Variants in SH3D19 observed in about 807,000 individuals in gnomAD.
SH3D19 encodes SH3 domain containing 19.
A neutral mutation model predicts 112.1 loss-of-function variants in SH3D19; 58 were observed. The observed-to-expected ratio is 0.52, with a 90% CI of 0.42 to 0.64. The LOEUF (loss-of-function observed/expected upper bound fraction) is 0.64. SH3D19 is among the 30% of genes least tolerant of loss of function. The probability of loss-of-function intolerance (pLI) is 0.00; values close to 1 mark genes in which losing one functional copy is unlikely to be tolerated. For missense variants in SH3D19, 1,090 were observed against 1,263.4 expected, an observed-to-expected ratio of 0.86 and a Z score of 2.08; for synonymous variants, 391 against 448.5, an observed-to-expected ratio of 0.87 and a Z score of 1.62.
At position 151,217,908 on chromosome 4, in the gene SH3D19, C is replaced by T. The variant is rs190937375; in HGVS notation, c.152+8139G>A. Among the ~76,000 whole-genome samples the T allele has an allele frequency of 1.9e-4, 29 of 152,232 alleles. No homozygotes were observed. The East Asian group carries it at 5.2e-3, about 27-fold the overall frequency. ...TAAAAAAGTCAAATTGACAGAAACA[C>T]ATATATATGTATACAGATATACAAA... On this transcript the variant is annotated intron_variant, in intron 2 of 19. Coordinates refer to ENST00000604030, the MANE Select transcript of SH3D19 (RefSeq NM_001378122.1).
chr4:151,263,587 A>G (rs1772542379), intron 1 of SH3D19, among the ~76,000 whole-genome samples: 1 of 152,156 alleles, frequency 6.6e-6, no homozygotes, highest in South Asian at 2.1e-4. Context: ...ATGGTTTAGG[A>G]TCTTTCAAAA....
intron 2 of SH3D19, among the ~76,000 whole-genome samples, chr4:151,190,916 C>T (rs1210142198): frequency 5.3e-5 from 8 of 152,218 alleles, no homozygotes; most frequent in African/African-American, 1.9e-4. Flanking sequence ...GGAAAAGCCG[C>T]AGACACTCAA....
chr4:151,126,556 G>A (rs993378379), intron 19 of SH3D19, among the ~76,000 whole-genome samples: 1 of 151,998 alleles, frequency 6.6e-6, no homozygotes, highest in African/African-American at 2.4e-5. Flanking sequence ...AGCACTTTTG[G>A]AGGCTGAGGT....
intron 1 of SH3D19, chr4:151,279,013 T>A (rs572240098): frequency 7.4e-6 from 2 of 271,390 alleles, no homozygotes; most frequent in South Asian, 9.4e-5. Context: ...GTGTGCTAGC[T>A]ACCAGCTAGA....
Position 151,159,338 on chromosome 4 carries a change from G to T in SH3D19, c.1657C>A (p.Pro553Thr). 1 of 1,576,726 alleles carries T rather than the reference G, an allele frequency of 6.3e-7. No individual in the cohort carries two copies. Among genetic ancestry groups the T allele is most frequent in the Non-Finnish European group, 8.6e-7 (1 of 1,164,484 alleles). The change falls in exon 9 of 20, where the codon CCA becomes ACA. Residue 553 changes from proline to threonine, a missense_variant. Coordinates refer to ENST00000604030, the MANE Select transcript of SH3D19 (RefSeq NM_001378122.1). ...AKPGKCLHED[P>T]QSPPPLPAEK... ...GCAGGGAGAGGAGGTGGACTTTGTG[G>T]ATCCTCATGTAAACCTGGAAAAAGT... is the stretch of plus-strand genomic sequence containing the variant.
chr4:151,250,951 G>A (rs868173575), intron 1 of SH3D19, among the ~76,000 whole-genome samples: 26 of 152,122 alleles, frequency 1.7e-4, no homozygotes, highest in Admixed American at 2.6e-4. Flanking sequence ...CAAGTTTCAC[G>A]GGCTCTGGCA....
intron 2 of SH3D19, among the ~76,000 whole-genome samples, chr4:151,222,593 T>G (rs1768243336): frequency 6.6e-6 from 1 of 152,008 alleles, no homozygotes; most frequent in Non-Finnish European, 1.5e-5. Flanking sequence ...AAGTTGGGAT[T>G]TTTTAGTCCT....
intron 9 of SH3D19, among the ~76,000 whole-genome samples, chr4:151,157,777 T>C (rs1756400006): frequency 6.6e-6 from 1 of 152,226 alleles, no homozygotes; most frequent in African/African-American, 2.4e-5. Context: ...TGGAATCCTG[T>C]CATTTGTGGC....
intron 1 of SH3D19, among the ~76,000 whole-genome samples, chr4:151,245,068 C>T (rs749406538): frequency 3.3e-5 from 5 of 151,860 alleles, no homozygotes; most frequent in Non-Finnish European, 5.9e-5. Flanking sequence ...CATTTGAACC[C>T]AGGAAGCGAA....
intron 2 of SH3D19, among the ~76,000 whole-genome samples, chr4:151,216,150 A>G (rs1767065888): frequency 6.6e-6 from 1 of 152,176 alleles, no homozygotes; most frequent in South Asian, 2.1e-4. Context: ...TTTAAGGACA[A>G]GACTGAATTC....
intron 1 of SH3D19, among the ~76,000 whole-genome samples, chr4:151,296,596 A>G (rs1775731785): frequency 6.6e-6 from 1 of 152,248 alleles, no homozygotes; most frequent in Non-Finnish European, 1.5e-5. Context: ...GGAGGAAATA[A>G]TAGGGACACC....
chr4:151,285,224 G>A (rs531752708), intron 1 of SH3D19, among the ~76,000 whole-genome samples: 1 of 152,212 alleles, frequency 6.6e-6, no homozygotes, highest in South Asian at 2.1e-4. Context: ...ACTGTTACCC[G>A]AAGCAGAGTT....
intron 11 of SH3D19, among the ~76,000 whole-genome samples, chr4:151,146,834 T>A (rs943865151): frequency 4.6e-5 from 7 of 152,154 alleles, no homozygotes; most frequent in African/African-American, 1.7e-4. Context: ...ACCCAGCAAC[T>A]CTGTTTTTTA....
intron 7 of SH3D19, among the ~76,000 whole-genome samples, chr4:151,170,033 T>G (rs1393265270): frequency 6.6e-6 from 1 of 152,142 alleles, no homozygotes; most frequent in Non-Finnish European, 1.5e-5. Context: ...TGAAGAGAAG[T>G]CATAAATGTC....
intron 2 of SH3D19, among the ~76,000 whole-genome samples, chr4:151,214,457 G>A (rs1580198633): frequency 4.4e-5 from 2 of 44,946 alleles, no homozygotes; most frequent in Non-Finnish European, 1.4e-4. Flanking sequence ...GGCCGGGCGG[G>A]GGGCTGACCC....
chr4:151,142,066 G>C (rs1202338608), intron 12 of SH3D19, among the ~76,000 whole-genome samples: 2 of 152,192 alleles, frequency 1.3e-5, no homozygotes, highest in Non-Finnish European at 2.9e-5. Context: ...TATCTGGTAG[G>C]TAAATATAAC....
chr4:151,316,630 AT>A (rs1030439623), intron 1 of SH3D19, among the ~76,000 whole-genome samples: 37 of 151,772 alleles, frequency 2.4e-4, no homozygotes, highest in African/African-American at 8.0e-4. Context: ...CTTGGAACAA[AT>A]TTTTTTTCCC....
intron 14 of SH3D19, 150 bp downstream of exon 14, chr4:151,137,582 G>C: frequency 1.7e-6 from 1 of 577,304 alleles, no homozygotes; most frequent in South Asian, 3.4e-5. Flanking sequence ...TCACCTAGTT[G>C]ACCAAATCTT....
Position 151,175,462 on chromosome 4 carries a change from G to T in SH3D19, c.742C>A (p.Gln248Lys), listed in dbSNP as rs904625102. 16 of 1,503,770 alleles carry T rather than the reference G, an allele frequency of 1.1e-5. No homozygotes were observed. The highest frequency in any genetic ancestry group is 1.4e-5 in the Non-Finnish European group (16 of 1,131,012). 93.2% of individuals were successfully genotyped at this position (1,503,770 alleles called of 1,614,324 possible). Residue 248 changes from glutamine to lysine, a missense_variant, in exon 7 of 20, where the codon CAA becomes AAA. Physicochemically the swap from Gln to Lys is moderately conservative, Grantham distance 53 (BLOSUM62 1). Transcript: ENST00000604030. ...PRDSHIKEQS[Q>K]QKISPAAVGE... ...ACGGCTGCTGGGCTGATTTTCTGTT[G>T]ACTTTGCTCTTTAATGTGAGAATCT... is the stretch of plus-strand genomic sequence containing the variant.
Sources: allele counts gnomAD v4.1 joint callset (sites outside exome capture counted in the v4.1 genomes callset), GRCh38; gene constraint gnomAD v4.1.1; transcripts MANE v1.5; gene names NCBI Gene and HGNC (gene_info 2026-07-23, HGNC 2026-07-21).